The following SHLD2 variants were observed in gnomAD, a reference collection of about 807,000 sequenced individuals.
SHLD2 encodes the protein shieldin complex subunit 2.
In SHLD2, 30 loss-of-function variants were observed where a neutral mutation model predicts 73.2. The ratio of observed to expected loss-of-function variants is 0.41; its 90% CI spans 0.31 to 0.56. The LOEUF (loss-of-function observed/expected upper bound fraction) is 0.56. SHLD2 is among the 20% of genes least tolerant of loss of function. The probability of loss-of-function intolerance (pLI) is 0.28; values close to 1 mark genes in which losing one functional copy is unlikely to be tolerated. For missense variants in SHLD2, 745 were observed against 1,055.9 expected (o/e 0.71, Z 4.08); for synonymous variants, 285 against 370.1 (o/e 0.77, Z 2.64).
At chr10:87,168,945 C>A (rs923676708) in intron 4 of SHLD2, among the ~76,000 whole-genome samples, 32 of 152,184 alleles carry the variant, frequency 2.1e-4, no homozygotes, top group African/African-American at 7.5e-4. Context: ...GACTTCTGTT[C>A]TTTCATCTTT....
At chr10:87,162,106 A>T (rs990812881) in intron 4 of SHLD2, among the ~76,000 whole-genome samples, 1 of 152,034 alleles carries the variant, frequency 6.6e-6, no homozygotes, top group African/African-American at 2.4e-5. Flanking sequence ...AACAAACAGT[A>T]ATAAACACCA....
At chr10:87,153,099 T>C (rs1041956513) in intron 3 of SHLD2, among the ~76,000 whole-genome samples, 12 of 152,300 alleles carry the variant, frequency 7.9e-5, no homozygotes, top group African/African-American at 2.6e-4. Context: ...CTCAGCTCTG[T>C]CCCTTCTTTC....
At chr10:87,189,079 A>G (rs534816030) in intron 9 of SHLD2, among the ~76,000 whole-genome samples, 2 of 147,258 alleles carry the variant, frequency 1.4e-5, no homozygotes, top group Admixed American at 6.9e-5. Context: ...TCAGTTCACC[A>G]TAACCTCTGC....
intron 2 of SHLD2, among the ~76,000 whole-genome samples, chr10:87,137,056 T>G (rs1036989449): frequency 6.6e-6 from 1 of 152,168 alleles, no homozygotes; most frequent in African/African-American, 2.4e-5. Context: ...TAATCTATTT[T>G]TATATAAAAT....
chr10:87,155,650 C>T (rs367674762), intron 3 of SHLD2, among the ~76,000 whole-genome samples: 8 of 151,156 alleles, frequency 5.3e-5, no homozygotes, highest in East Asian at 3.9e-4. Context: ...GTCATTTTAC[C>T]GAGGCAATTA....
chr10:87,094,504 A>T (rs749729943), upstream of SHLD2: 7 of 1,613,288 alleles, frequency 4.3e-6, no homozygotes, highest in African/African-American at 9.3e-5. This position sits in a 1 kb window ranked among gnomAD's most constrained non-coding sequence, Gnocchi z 6.6. Flanking sequence ...CCGGGTCCTC[A>T]GGTCCTCCAC....
intron 2 of SHLD2, among the ~76,000 whole-genome samples, chr10:87,145,736 G>T (rs1272909461): frequency 6.8e-6 from 1 of 147,708 alleles, no homozygotes; most frequent in Non-Finnish European, 1.5e-5. Flanking sequence ...ATCAGACTCT[G>T]ACCACTCTAA....
intron 3 of SHLD2, among the ~76,000 whole-genome samples, chr10:87,155,955 G>GA (rs960156741): frequency 2.6e-5 from 4 of 151,134 alleles, no homozygotes; most frequent in East Asian, 1.9e-4. Context: ...GAAATGTTGG[G>GA]AAAAAAAAGA....
chr10:87,179,533 C>T (rs1848171864), intron 7 of SHLD2, among the ~76,000 whole-genome samples: 1 of 152,144 alleles, frequency 6.6e-6, no homozygotes, highest in African/African-American at 2.4e-5. Flanking sequence ...TCCCGAGTAG[C>T]TAGGACTACA....
intron 2 of SHLD2, among the ~76,000 whole-genome samples, chr10:87,103,619 G>C (rs1441517394): frequency 6.6e-6 from 1 of 152,184 alleles, no homozygotes; most frequent in African/African-American, 2.4e-5. Flanking sequence ...TTTCAGAGAA[G>C]TTGTAATTTT....
chr10:87,184,030 G>A (rs1848468302), intron 8 of SHLD2, among the ~76,000 whole-genome samples: 1 of 152,096 alleles, frequency 6.6e-6, no homozygotes, highest in Non-Finnish European at 1.5e-5. Flanking sequence ...CAAATTCTTT[G>A]CTTGACGTCC....
At chr10:87,094,700 C>T (rs1050156), upstream of SHLD2, 7 of 1,496,226 alleles carry the variant, frequency 4.7e-6, no homozygotes, top group Admixed American at 4.4e-5. This position sits in a 1 kb window ranked among gnomAD's most constrained non-coding sequence, Gnocchi z 6.6. Flanking sequence ...GCCGAGTCGG[C>T]GGACGCCGAG....
intron 2 of SHLD2, among the ~76,000 whole-genome samples, chr10:87,109,880 T>C (rs1224843655): frequency 1.3e-5 from 2 of 152,194 alleles, no homozygotes; most frequent in Non-Finnish European, 2.9e-5. Flanking sequence ...AGTGGTATGG[T>C]TCTGAGGATT....
intron 2 of SHLD2, among the ~76,000 whole-genome samples, chr10:87,147,072 G>GAAAAAAAAAAAA (rs76041937): frequency 4.2e-5 from 4 of 95,310 alleles, no homozygotes; most frequent in Non-Finnish European, 6.8e-5. Flanking sequence ...AAAAAAAAAA[G>GAAAAAAAAAAAA]AAAAAAAAAA....
chr10:87,104,629 A>G (rs962124183), intron 2 of SHLD2, among the ~76,000 whole-genome samples: 1 of 152,098 alleles, frequency 6.6e-6, no homozygotes, highest in Non-Finnish European at 1.5e-5. Context: ...AATTTAAAAA[A>G]TATATTAACA....
chr10:87,117,850 T>C (rs1404739141), intron 2 of SHLD2, among the ~76,000 whole-genome samples: 1 of 152,174 alleles, frequency 6.6e-6, no homozygotes, highest in Non-Finnish European at 1.5e-5. Context: ...AATTCTCTAT[T>C]GTTTCGAAGA....
chr10:87,144,964 G>A (rs1388819863), intron 2 of SHLD2, among the ~76,000 whole-genome samples: 41 of 129,778 alleles, frequency 3.2e-4, no homozygotes, highest in Non-Finnish European at 6.1e-4. Flanking sequence ...TTTTTGAGAC[G>A]GAGCCTTGCT....
intron 6 of SHLD2, among the ~76,000 whole-genome samples, chr10:87,172,959 C>G (rs1469847660): frequency 6.6e-6 from 1 of 151,072 alleles, no homozygotes; most frequent in Non-Finnish European, 1.5e-5. Flanking sequence ...GTGTGAGCAT[C>G]TGCATTTACT....
intron 6 of SHLD2, 42 bp from the exon 7 acceptor site, chr10:87,175,847 T>C (rs1206985914): frequency 6.5e-7 from 1 of 1,537,642 alleles, no homozygotes; most frequent in Non-Finnish European, 8.8e-7. Context: ...GCCTAGATTT[T>C]TTTCCTTTTT....
Sources: gnomAD v4.1 joint callset for allele counts (sites outside exome capture counted in the v4.1 genomes callset) on GRCh38, gnomAD v4.1.1 for gene constraint, Gnocchi (gnomAD v3.1) non-coding constraint, MANE v1.5 for transcripts, NCBI Gene and HGNC (gene_info 2026-07-23, HGNC 2026-07-21) for gene names.